The following PCDH11X variants were observed in gnomAD, a reference collection of about 807,000 sequenced individuals.
PCDH11X encodes the protein protocadherin-11 X-linked.
In PCDH11X, 18 loss-of-function variants were observed where a neutral mutation model predicts 53.3. The ratio of observed to expected loss-of-function variants is 0.34; its 90% CI spans 0.23 to 0.50. The LOEUF (loss-of-function observed/expected upper bound fraction) is 0.50. Ranked by LOEUF, PCDH11X falls within the 20% of genes least tolerant of loss-of-function variation. The pLI, the probability that PCDH11X is intolerant of heterozygous loss-of-function variation, is 0.98. For synonymous variants in PCDH11X, 279 were observed against 393.3 expected, an observed-to-expected ratio of 0.71 and a Z score of 3.44; for missense variants, 570 against 1,032.4, an observed-to-expected ratio of 0.55 and a Z score of 6.14.
intron 6 of PCDH11X, among the ~76,000 whole-genome samples, chrX:91,933,371 A>C (rs2147843250): frequency 9.3e-6 from 1 of 106,993 alleles, no homozygotes; most frequent in South Asian, 4.3e-4. Flanking sequence ...GAAGCAGTGA[A>C]ATACCTTAGT....
chrX:92,598,342 TA>T (rs1000325027), intron 10 of PCDH11X, among the ~76,000 whole-genome samples: 4 of 97,682 alleles, frequency 4.1e-5, no homozygotes, highest in Non-Finnish European at 6.3e-5. Context: ...ACAACTGTAT[TA>T]AAAAAAAGAA....
At chrX:92,557,207 G>A (rs908152725) in intron 10 of PCDH11X, among the ~76,000 whole-genome samples, 1 of 107,332 alleles carries the variant, frequency 9.3e-6, no homozygotes, top group African/African-American at 3.4e-5. Flanking sequence ...ACTGCCTTGG[G>A]AATTAGCATT....
intron 6 of PCDH11X, among the ~76,000 whole-genome samples, chrX:92,009,765 C>A (rs1271900037): frequency 1.1e-5 from 1 of 93,524 alleles, no homozygotes; most frequent in Admixed American, 1.4e-4. Context: ...TGCAGTGGTG[C>A]GATCTTGGCT....
chrX:92,486,310 C>T (rs1421512878), intron 10 of PCDH11X, among the ~76,000 whole-genome samples: 9 of 111,376 alleles, frequency 8.1e-5, no homozygotes, highest in Non-Finnish European at 1.3e-4. Context: ...ATGCAGGACA[C>T]ATGTGACCCT....
At chrX:92,467,710 A>T (rs1480609877) in intron 9 of PCDH11X, among the ~76,000 whole-genome samples, 1 of 111,228 alleles carries the variant, frequency 9.0e-6, no homozygotes, top group East Asian at 2.8e-4. Flanking sequence ...CCTAATTGTG[A>T]GAAATAATAT....
intron 6 of PCDH11X, among the ~76,000 whole-genome samples, chrX:92,083,333 A>G (rs1399039166): frequency 9.0e-6 from 1 of 111,377 alleles, no homozygotes; most frequent in African/African-American, 3.3e-5. Flanking sequence ...GGCTCACCCT[A>G]CTGGTTAAGA....
chrX:92,317,959 G>A (rs917003712), intron 8 of PCDH11X, among the ~76,000 whole-genome samples: 4 of 111,242 alleles, frequency 3.6e-5, no homozygotes, highest in Non-Finnish European at 5.7e-5. Context: ...AGTACTGATA[G>A]TAGAAGTAGT....
In PCDH11X at chrX:92,183,508, C is replaced by A. The variant is rs184779653; in HGVS notation, c.3034-17867C>A. On this transcript the variant is annotated intron_variant, in intron 6 of 10. Coordinates refer to ENST00000682573, the MANE Select transcript of PCDH11X (RefSeq NM_032968.5). ...CTGACCTCAGGTGATCTTCCCACCTCAGCCTCCCAGGCGTGAGCCACCGTG... is the reference window on the plus strand; with the variant it reads ...CTGACCTCAGGTGATCTTCCCACCTAAGCCTCCCAGGCGTGAGCCACCGTG... Among the ~76,000 whole-genome samples the A allele has an allele frequency of 2.7e-5, 3 of 111,887 alleles. No homozygotes were observed. The Admixed American group carries it at 2.9e-4, about 11-fold the overall frequency.
At chrX:92,323,946 A>G (rs192299692) in intron 8 of PCDH11X, among the ~76,000 whole-genome samples, 8 of 108,465 alleles carry the variant, frequency 7.4e-5, no homozygotes, top group African/African-American at 2.7e-4. Flanking sequence ...TGTTAAAAAT[A>G]CAATTCAATA....
At chrX:92,311,154 G>A (rs1209734584) in intron 8 of PCDH11X, among the ~76,000 whole-genome samples, 3 of 110,198 alleles carry the variant, frequency 2.7e-5, no homozygotes, top group African/African-American at 6.6e-5. Context: ...CCAATCGTTC[G>A]ATGATTTATA....
chrX:92,035,392 G>A (rs1333269371), intron 6 of PCDH11X, among the ~76,000 whole-genome samples: 1 of 110,976 alleles, frequency 9.0e-6, no homozygotes, highest in African/African-American at 3.3e-5. Flanking sequence ...CGTGCTCCAA[G>A]GATATTTTTG....
chrX:91,975,342 T>C (rs181816658), intron 6 of PCDH11X, among the ~76,000 whole-genome samples: 112 of 112,188 alleles, frequency 1.0e-3, no homozygotes, highest in Admixed American at 3.5e-3. Flanking sequence ...TCAACTGTGA[T>C]TGGTAACAAT....
At position 92,033,905 on chromosome X, in the gene PCDH11X, C is replaced by T. The variant is rs547575952; in HGVS notation, c.3033+154632C>T. Among the ~76,000 whole-genome samples, 25 of 109,453 alleles carry T rather than the reference C, an allele frequency of 2.3e-4. No individual in the cohort carries two copies. The South Asian group carries it at 9.0e-3, about 40-fold the overall frequency. On this transcript the variant is annotated intron_variant, in intron 6 of 10. Transcript: ENST00000682573. ...TAAGCACTTACAGCTATAAACTTTCCGCTTAGTAGTACTTTTGCTGTTCCC... is the reference window on the plus strand; with the variant it reads ...TAAGCACTTACAGCTATAAACTTTCTGCTTAGTAGTACTTTTGCTGTTCCC...
intron 10 of PCDH11X, among the ~76,000 whole-genome samples, chrX:92,564,203 T>C (rs1314853569): frequency 9.1e-6 from 1 of 109,648 alleles, no homozygotes; most frequent in Non-Finnish European, 1.9e-5. Context: ...CAAAGTAATC[T>C]ACAGATTCAA....
chrX:92,275,618 AC>A lies in PCDH11X; in HGVS notation c.3144+12477del, dbSNP rs1166960163. Among the ~76,000 whole-genome samples the A allele has an allele frequency of 2.7e-5, 3 of 111,970 alleles. No individual in the cohort carries two copies. In the East Asian group the frequency reaches 8.5e-4, roughly 32 times the overall value. On this transcript the variant is annotated intron_variant, in intron 8 of 10. Coordinates refer to ENST00000682573, the MANE Select transcript of PCDH11X (RefSeq NM_032968.5). ...GGATAGGAGAGTATATGGGTTTGGC[AC>A]CATGGGGTGGATAGGCAAAACAATT...
intron 10 of PCDH11X, among the ~76,000 whole-genome samples, chrX:92,594,174 T>C (rs1428152420): frequency 6.0e-5 from 6 of 100,350 alleles, no homozygotes; most frequent in Non-Finnish European, 1.2e-4. Flanking sequence ...TTAGTTATCC[T>C]TTTGGGCTAA....
chrX:92,430,821 AGGT>A (rs2072234723), intron 9 of PCDH11X, among the ~76,000 whole-genome samples: 2 of 109,374 alleles, frequency 1.8e-5, no homozygotes, highest in African/African-American at 3.3e-5. Flanking sequence ...AAAATAAATC[AGGT>A]TTACAACTCT....
chrX:92,343,539 T>C (rs758078875), intron 8 of PCDH11X, among the ~76,000 whole-genome samples: 62 of 110,355 alleles, frequency 5.6e-4, no homozygotes, highest in African/African-American at 2.0e-3. Flanking sequence ...AAATGTTTTA[T>C]ATAAAGCTAT....
chrX:92,460,843 C>T, intron 9 of PCDH11X: 1 of 1,036,978 alleles, frequency 9.6e-7, no homozygotes, highest in Non-Finnish European at 1.3e-6. Context: ...CTTGGTGATG[C>T]CTTGGACAGC....
Sources: gnomAD v4.1 joint callset for allele counts (sites outside exome capture counted in the v4.1 genomes callset) on GRCh38, gnomAD v4.1.1 for gene constraint, MANE v1.5 for transcripts, NCBI Gene and HGNC (gene_info 2026-07-23, HGNC 2026-07-21) for gene names.